BRDT: variants seen among roughly 807,000 people sequenced by gnomAD.
The protein encoded by BRDT is bromodomain testis-specific protein.
Under a neutral mutation model 113.9 loss-of-function variants are expected in BRDT, and 77 were observed. The ratio of observed to expected loss-of-function variants is 0.68; its 90% CI spans 0.56 to 0.82. The LOEUF (loss-of-function observed/expected upper bound fraction) is 0.82. BRDT is among the 40% of genes least tolerant of loss of function. The pLI is 0.00. For missense variants in BRDT, 1,027 were observed against 1,105.4 expected, an observed-to-expected ratio of 0.93 and a Z score of 1.01; for synonymous variants, 358 against 366.5, an observed-to-expected ratio of 0.98 and a Z score of 0.26.
intron 4 of BRDT, among the ~76,000 whole-genome samples, chr1:91,975,410 T>A (rs995111433): frequency 1.3e-5 from 2 of 152,190 alleles, no homozygotes; most frequent in African/African-American, 2.4e-5. Context: ...ATCACTGATT[T>A]GAGTTTTAAA....
chr1:91,999,482 C>T (rs1686644035), intron 15 of BRDT, among the ~76,000 whole-genome samples: 1 of 152,106 alleles, frequency 6.6e-6, no homozygotes, highest in East Asian at 1.9e-4. Flanking sequence ...CTTTATTTGC[C>T]TCCCTTTAGA....
At position 91,962,222 on chromosome 1, in the gene BRDT, TTTACTA is replaced by T. The variant is rs1420603535; in HGVS notation, c.-37-493_-37-488del. 4.8e-5 allele frequency among the ~76,000 whole-genome samples: 7 copies of T among 145,444 alleles called. 1 individual carries two copies. The highest frequency in any genetic ancestry group is 1.1e-4 in the Non-Finnish European group (7 of 66,028). ...AGGCTAAGGCATATATAGTGAAACT[TTTACTA>T]TTTGTATATAAAAAATTTGTATTTG... On this transcript the variant is annotated intron_variant, in intron 1 of 18. Coordinates refer to ENST00000399546, the MANE Select transcript of BRDT (RefSeq NM_207189.4).
intron 4 of BRDT, among the ~76,000 whole-genome samples, chr1:91,975,292 TTAA>T (rs978841862): frequency 3.3e-5 from 5 of 151,062 alleles, no homozygotes; most frequent in African/African-American, 1.2e-4. Flanking sequence ...AAAAAAAATT[TTAA>T]AAAAAAAGTG....
chr1:91,963,329 A>G (rs1427433426), intron 2 of BRDT, among the ~76,000 whole-genome samples: 1 of 152,168 alleles, frequency 6.6e-6, no homozygotes, highest in Admixed American at 6.5e-5. Flanking sequence ...AATAAAAAAT[A>G]AAAAAAATTT....
intron 3 of BRDT, among the ~76,000 whole-genome samples, chr1:91,965,843 C>T (rs1250782257): frequency 6.7e-6 from 1 of 148,758 alleles, no homozygotes; most frequent in East Asian, 2.0e-4. Context: ...AAGACACCTT[C>T]TCAAAAAAAA....
chr1:91,973,282 T>C (rs1683805597), intron 4 of BRDT, among the ~76,000 whole-genome samples: 1 of 152,164 alleles, frequency 6.6e-6, no homozygotes, highest in South Asian at 2.1e-4. Context: ...TTTAGTTCCA[T>C]ATGAACTTTA....
chr1:91,953,137 A>T (rs936969978), intron 1 of BRDT, among the ~76,000 whole-genome samples: 1 of 145,122 alleles, frequency 6.9e-6, no homozygotes, highest in Non-Finnish European at 1.5e-5. Flanking sequence ...ATTTCTATGA[A>T]TTACCTCTGG....
At chr1:91,953,141 C>T (rs980624620) in intron 1 of BRDT, among the ~76,000 whole-genome samples, 1 of 141,742 alleles carries the variant, frequency 7.1e-6, no homozygotes, top group Non-Finnish European at 1.5e-5. Context: ...CTATGAATTA[C>T]CTCTGGCCCA....
chr1:91,986,966 G>A (rs143380693), intron 12 of BRDT, among the ~76,000 whole-genome samples: 6 of 150,426 alleles, frequency 4.0e-5, no homozygotes, highest in African/African-American at 1.5e-4. Flanking sequence ...TGGAGACAGA[G>A]TCTCACTGTT....
At chr1:91,954,853 C>T (rs1034543343) in intron 1 of BRDT, among the ~76,000 whole-genome samples, 2 of 151,978 alleles carry the variant, frequency 1.3e-5, no homozygotes, top group Non-Finnish European at 2.9e-5. Context: ...GTCCCAGCTA[C>T]TTGGGAGGCT....
chr1:91,959,740 A>G (rs1682225438), intron 1 of BRDT, among the ~76,000 whole-genome samples: 1 of 152,092 alleles, frequency 6.6e-6, no homozygotes, highest in South Asian at 2.1e-4. Context: ...TCCTCAGCCT[A>G]CCAAAGTTCT....
At chr1:91,978,125 G>C in intron 6 of BRDT, 43 bp from the exon 7 acceptor site, 6 of 1,537,236 alleles carry the variant, frequency 3.9e-6, no homozygotes, top group Non-Finnish European at 5.4e-6. Context: ...AATAATTATT[G>C]AATTGAACTA....
At chr1:91,998,552 G>T (rs1686559458) in intron 15 of BRDT, among the ~76,000 whole-genome samples, 1 of 152,082 alleles carries the variant, frequency 6.6e-6, no homozygotes, top group South Asian at 2.1e-4. Flanking sequence ...TATTTAGGCT[G>T]TTATATAAAC....
At chr1:92,011,451 A>G (rs1046574644) in intron 18 of BRDT, among the ~76,000 whole-genome samples, 8 of 152,018 alleles carry the variant, frequency 5.3e-5, no homozygotes, top group Admixed American at 2.0e-4. Flanking sequence ...TCATTGTTAA[A>G]TTTCGTTAGT....
chr1:92,013,808 T>A (rs1688004284), intron 18 of BRDT, among the ~76,000 whole-genome samples: 1 of 152,166 alleles, frequency 6.6e-6, no homozygotes, highest in Admixed American at 6.5e-5. Flanking sequence ...AACAAAGATA[T>A]TGGTTCATTC....
At chr1:92,001,296 C>T (rs1008934343) in intron 15 of BRDT, among the ~76,000 whole-genome samples, 3 of 152,184 alleles carry the variant, frequency 2.0e-5, no homozygotes, top group South Asian at 2.1e-4. Context: ...ATAGTATGTG[C>T]TCAGTAAATG....
At chr1:91,990,739 G>T (rs1685673120) in intron 12 of BRDT, among the ~76,000 whole-genome samples, 1 of 152,164 alleles carries the variant, frequency 6.6e-6, no homozygotes, top group African/African-American at 2.4e-5. Context: ...GTGAAAACCT[G>T]TGACTCTAAG....
chr1:92,010,095 A>C (rs1158839000), intron 18 of BRDT, among the ~76,000 whole-genome samples: 1 of 151,300 alleles, frequency 6.6e-6, no homozygotes, highest in Non-Finnish European at 1.5e-5. Flanking sequence ...TGTTTTCTTC[A>C]TGTTTCTTGT....
At chr1:91,993,227 G>A (rs188750356) in intron 14 of BRDT, among the ~76,000 whole-genome samples, 3 of 152,206 alleles carry the variant, frequency 2.0e-5, no homozygotes, top group Admixed American at 1.3e-4. Context: ...ATTTGCATAG[G>A]TGTTACTTGT....
Sources: gnomAD v4.1 joint callset for allele counts (sites outside exome capture counted in the v4.1 genomes callset) on GRCh38, gnomAD v4.1.1 for gene constraint, MANE v1.5 for transcripts, NCBI Gene and HGNC (gene_info 2026-07-23, HGNC 2026-07-21) for gene names.